The following SPEF2 variants were observed in gnomAD, a reference collection of about 807,000 sequenced individuals.
SPEF2 encodes the protein sperm flagella and cilia-associated protein 2.
A neutral mutation model predicts 224.6 loss-of-function variants in SPEF2; 187 were observed. The observed-to-expected ratio is 0.83, with a 90% CI of 0.74 to 0.94. The LOEUF is 0.94. SPEF2 is among the 40% of genes least tolerant of loss of function. The probability of loss-of-function intolerance (pLI) is 0.00; values close to 1 mark genes in which losing one functional copy is unlikely to be tolerated. For missense variants in SPEF2, 2,170 were observed against 2,135.6 expected, an observed-to-expected ratio of 1.02 and a Z score of -0.32; for synonymous variants, 715 against 707.3, an observed-to-expected ratio of 1.01 and a Z score of -0.17.
intron 34 of SPEF2, among the ~76,000 whole-genome samples, chr5:35,804,446 C>T (rs1290400063): frequency 6.6e-6 from 1 of 152,214 alleles, no homozygotes; most frequent in Non-Finnish European, 1.5e-5. Flanking sequence ...CCTGTACCCA[C>T]ATTCAACATC....
intron 34 of SPEF2, among the ~76,000 whole-genome samples, chr5:35,801,198 C>T (rs1244283970): frequency 1.3e-5 from 2 of 152,174 alleles, no homozygotes; most frequent in East Asian, 3.9e-4. Flanking sequence ...CCTTCTTTGA[C>T]AGTAGAAGCC....
intron 3 of SPEF2, among the ~76,000 whole-genome samples, chr5:35,642,484 G>A (rs147447227): frequency 0.021 from 3,256 of 152,236 alleles, 55 homozygotes; most frequent in Admixed American, 0.035. Flanking sequence ...TACTGATATT[G>A]TTGGCTAACT....
intron 2 of SPEF2, among the ~76,000 whole-genome samples, chr5:35,629,415 C>G (rs555370072): frequency 0.011 from 1,629 of 152,052 alleles, 45 homozygotes; most frequent in African/African-American, 0.038. Context: ...TCTCAGCCTC[C>G]TAAAGTGCTG....
At chr5:35,621,593 A>C (rs1743515146) in intron 1 of SPEF2, among the ~76,000 whole-genome samples, 1 of 152,202 alleles carries the variant, frequency 6.6e-6, no homozygotes, top group Non-Finnish European at 1.5e-5. Context: ...AAATAGAAAA[A>C]TTCAGCCATC....
intron 11 of SPEF2, 103 bp from the exon 12 acceptor site, chr5:35,692,467 C>A: frequency 1.3e-6 from 1 of 799,326 alleles, no homozygotes; most frequent in Non-Finnish European, 2.0e-6. Context: ...ACTGTTCTAG[C>A]GGGCCTGAAA....
chr5:35,708,546 C>T (rs1327147924), intron 18 of SPEF2, among the ~76,000 whole-genome samples: 2 of 152,088 alleles, frequency 1.3e-5, no homozygotes, highest in African/African-American at 4.8e-5. Flanking sequence ...ACCACCATCA[C>T]CACTCCTACC....
chr5:35,764,876 T>C (rs10057124), intron 26 of SPEF2: 3,697 of 365,820 alleles, frequency 0.01, 149 homozygotes, highest in African/African-American at 0.074. Flanking sequence ...ACTCCTCTCA[T>C]TGTTTCTGCT....
intron 8 of SPEF2, among the ~76,000 whole-genome samples, chr5:35,661,659 A>G: frequency 6.6e-6 from 1 of 152,100 alleles, no homozygotes. Context: ...TTCCACTTAT[A>G]AGTGAGAACA....
chr5:35,786,646 G>A (rs1000039287), intron 30 of SPEF2, among the ~76,000 whole-genome samples: 5 of 151,988 alleles, frequency 3.3e-5, no homozygotes, highest in Non-Finnish European at 4.4e-5. Context: ...GGGCGACAGC[G>A]GGAGACTCCA....
chr5:35,808,010 G>A, intron 36 of SPEF2: 2 of 1,225,314 alleles, frequency 1.6e-6, no homozygotes, highest in Non-Finnish European at 2.0e-6. Context: ...TGTTTGCTGA[G>A]TTGAAAATAA....
chr5:35,718,517 G>T (rs1743031359), intron 20 of SPEF2, among the ~76,000 whole-genome samples: 1 of 152,044 alleles, frequency 6.6e-6, no homozygotes, highest in African/African-American at 2.4e-5. Context: ...AGAGGGAAGT[G>T]TGTCTACTTT....
intron 1 of SPEF2, among the ~76,000 whole-genome samples, chr5:35,621,068 G>T (rs748244493): frequency 2.6e-5 from 4 of 152,020 alleles, no homozygotes; most frequent in Admixed American, 6.6e-5. Context: ...AATTTGAAGG[G>T]AAAATTCAAT....
chr5:35,793,835 G>A lies in SPEF2; in HGVS notation c.4737+494G>A, dbSNP rs909957171. Reference sequence around the variant, plus strand: ...TGAATGATGAGATTATTTTTGAGAAGCTGAGTTTGAAATATCTGTGGGAAA... The same window carrying A: ...TGAATGATGAGATTATTTTTGAGAAACTGAGTTTGAAATATCTGTGGGAAA... On this transcript the variant is annotated intron_variant, in intron 32 of 36. Coordinates refer to ENST00000356031, the MANE Select transcript of SPEF2 (RefSeq NM_024867.4). 2.6e-5 allele frequency among the ~76,000 whole-genome samples: 4 copies of A among 152,012 alleles called. No individual in the cohort carries two copies. In the East Asian group the frequency reaches 7.7e-4, roughly 29 times the overall value.
Position 35,691,163 on chromosome 5 carries a change from A to G in SPEF2, c.1651A>G (p.Thr551Ala), listed in dbSNP as rs1754415077. 1.9e-6 allele frequency: 3 copies of G among 1,614,106 alleles called. No homozygotes were observed. In the Admixed American group the frequency reaches 5.0e-5, roughly 27 times the overall value. Residue 551 changes from threonine (T) to alanine (A), a missense_variant, in exon 11 of 37, where the codon ACA (threonine) becomes GCA (alanine). Transcript: ENST00000356031. ...EKSLPPRAESTTPELPSFAVK... is the reference protein window; with the variant it reads ...EKSLPPRAESATPELPSFAVK... ...ATCTCTTCCTCCTCGAGCGGAATCA[A>G]CAACACCTGAATTACCTTCATTTGC...
At chr5:35,706,711 A>T (rs550910376) in intron 18 of SPEF2, among the ~76,000 whole-genome samples, 18 of 152,268 alleles carry the variant, frequency 1.2e-4, no homozygotes, top group African/African-American at 3.8e-4. Context: ...ACTAACATTA[A>T]AATTGCCCAT....
intron 32 of SPEF2, among the ~76,000 whole-genome samples, chr5:35,795,138 T>A (rs527341378): frequency 1.3e-5 from 2 of 152,132 alleles, no homozygotes; most frequent in Non-Finnish European, 2.9e-5. Flanking sequence ...AAGTTCTAAT[T>A]GGTGTCAGTT....
At chr5:35,676,212 T>C (rs146388367) in intron 10 of SPEF2, among the ~76,000 whole-genome samples, 166 of 152,240 alleles carry the variant, frequency 1.1e-3, no homozygotes, top group African/African-American at 3.8e-3. Context: ...CTTGATCACA[T>C]AGAGAGAAGC....
intron 30 of SPEF2, among the ~76,000 whole-genome samples, chr5:35,779,835 G>A (rs57681685): frequency 0.047 from 7,112 of 152,142 alleles, 471 homozygotes; most frequent in African/African-American, 0.14. Flanking sequence ...TTAATTAGTC[G>A]GTTTGTTCAT....
intron 30 of SPEF2, chr5:35,789,200 G>T: frequency 1.4e-6 from 1 of 702,950 alleles, no homozygotes; most frequent in South Asian, 1.5e-5. Context: ...GAAACCCAAA[G>T]AACTTCTGGA....
Sources: gnomAD v4.1 joint callset for allele counts (sites outside exome capture counted in the v4.1 genomes callset) on GRCh38, gnomAD v4.1.1 for gene constraint, MANE v1.5 for transcripts, NCBI Gene and HGNC (gene_info 2026-07-23, HGNC 2026-07-21) for gene names.